The following SPSB1 variants were observed in gnomAD, a reference collection of about 807,000 sequenced individuals.
The protein encoded by SPSB1 is SPRY domain-containing SOCS box protein 1.
A neutral mutation model predicts 21.2 loss-of-function variants in SPSB1; 8 were observed. The observed-to-expected ratio is 0.38, with a 90% CI of 0.22 to 0.68. The LOEUF (loss-of-function observed/expected upper bound fraction) is 0.68. Among genes scored for constraint, SPSB1 ranks in the 30% least tolerant of loss-of-function variants. The pLI is 0.53. For synonymous variants in SPSB1, 169 were observed against 161.7 expected, an observed-to-expected ratio of 1.05 and a Z score of -0.34; for missense variants, 242 against 377.8, an observed-to-expected ratio of 0.64 and a Z score of 2.98.
chr1:9,334,658 AC>A (rs1324481487), intron 1 of SPSB1, among the ~76,000 whole-genome samples: 1 of 150,200 alleles, frequency 6.7e-6, no homozygotes, highest in East Asian at 2.0e-4. Flanking sequence ...TTCGTCACTG[AC>A]CCCCCATTCC....
rs920417268 is a variant in SPSB1, at chr1:9,324,029, G to A, written c.-150+30958G>A. Among the ~76,000 whole-genome samples the A allele has an allele frequency of 3.3e-5, 5 of 152,154 alleles. 1 individual carries two copies. Among genetic ancestry groups the A allele is most frequent in the Admixed American group, 6.5e-5 (1 of 15,268 alleles). On this transcript the variant is annotated intron_variant, in intron 1 of 2. Coordinates refer to ENST00000328089, the MANE Select transcript of SPSB1 (RefSeq NM_025106.4). The surrounding 1 kb of genome is among the most constrained non-coding windows in gnomAD (Gnocchi z 4.3). ...CAGCTGTCCTTGATGGCCCAAACTC[G>A]GGCCGCAGAACCCCTCCTCAGGCCA...
At chr1:9,338,255 G>A (rs1640036022) in intron 1 of SPSB1, among the ~76,000 whole-genome samples, 1 of 152,316 alleles carries the variant, frequency 6.6e-6, no homozygotes, top group South Asian at 2.1e-4. Flanking sequence ...GACAGCCAAG[G>A]CCCTGGCCGT....
At chr1:9,339,173 C>A in intron 1 of SPSB1, 1 of 978,536 alleles carries the variant, frequency 1.0e-6, no homozygotes, top group Non-Finnish European at 1.2e-6. Context: ...CCTCTTCTGT[C>A]ATTCTCCCCC....
At chr1:9,301,328 G>T (rs561564674) in intron 1 of SPSB1, among the ~76,000 whole-genome samples, 1 of 151,874 alleles carries the variant, frequency 6.6e-6, no homozygotes, top group Non-Finnish European at 1.5e-5. Flanking sequence ...CCCCGCCCCC[G>T]CCATCTCTAC....
chr1:9,363,430 G>GT lies in SPSB1; in HGVS notation c.695-4017dup, dbSNP rs1490247054. ...TCCAGAGATGGCCAGGCTGTGGCAA[G>GT]TCCTCTACCCCACACAGCTGCGTTC... On this transcript the variant is annotated intron_variant, in intron 2 of 2. Transcript: ENST00000328089. The surrounding 1 kb of genome is among the most constrained non-coding windows in gnomAD (Gnocchi z 4.5). 1.3e-5 allele frequency among the ~76,000 whole-genome samples: 2 copies of GT among 152,236 alleles called. No individual in the cohort carries two copies. The highest frequency in any genetic ancestry group is 3.9e-4 in the East Asian group (2 of 5,158).
chr1:9,341,044 G>C (rs1243451335), intron 1 of SPSB1, among the ~76,000 whole-genome samples: 3 of 152,150 alleles, frequency 2.0e-5, no homozygotes, highest in Non-Finnish European at 4.4e-5. Flanking sequence ...CCTGATTGCT[G>C]GCCTGGACTA....
rs142518224 is a variant in SPSB1, at chr1:9,305,230, G to A, written c.-150+12159G>A. Among the ~76,000 whole-genome samples, 278 of 152,196 alleles carry A rather than the reference G, an allele frequency of 1.8e-3. 1 individual carries two copies. The highest frequency in any genetic ancestry group is 6.0e-3 in the African/African-American group (250 of 41,522). Reference sequence around the variant, plus strand: ...CCGCCTCGGCTGGCCCGTTCCTACCGGCTGGCCCATACCCTCTCGCTTCAC... The same window carrying A: ...CCGCCTCGGCTGGCCCGTTCCTACCAGCTGGCCCATACCCTCTCGCTTCAC... On this transcript the variant is annotated intron_variant, in intron 1 of 2. Transcript: ENST00000328089. This position sits in a 1 kb window ranked among gnomAD's most constrained non-coding sequence, Gnocchi z 4.8.
At chr1:9,320,939 A>G (rs1343718315) in intron 1 of SPSB1, among the ~76,000 whole-genome samples, 1 of 147,980 alleles carries the variant, frequency 6.8e-6, no homozygotes. Flanking sequence ...GCCAGGCTCC[A>G]GTGGAAGGTC....
At chr1:9,351,118 C>A (rs1315376676) in intron 1 of SPSB1, among the ~76,000 whole-genome samples, 2 of 152,154 alleles carry the variant, frequency 1.3e-5, no homozygotes, top group African/African-American at 4.8e-5. Flanking sequence ...CAAATCTGGC[C>A]CACTGTCTAT....
In SPSB1 at chr1:9,342,337, C is replaced by T. The variant is rs76667926; in HGVS notation, c.-149-13406C>T. 9.2e-3 allele frequency among the ~76,000 whole-genome samples: 1,406 copies of T among 152,282 alleles called. 21 individuals carry two copies. The highest frequency in any genetic ancestry group is 0.032 in the African/African-American group (1,338 of 41,532). The stretch of plus-strand genomic sequence containing the variant: ...GAAGAGGTTTGCGTAGTGACAAGTC[C>T]AGAAACTGTGTGCATCAGCCTGGGG... On this transcript the variant is annotated intron_variant, in intron 1 of 2. Transcript: ENST00000328089.
intron 1 of SPSB1, among the ~76,000 whole-genome samples, chr1:9,307,572 T>C (rs1199066326): frequency 6.6e-6 from 1 of 152,226 alleles, no homozygotes; most frequent in Non-Finnish European, 1.5e-5. Context: ...GAAGCTGGAT[T>C]TCCCGTCCTG....
intron 2 of SPSB1, among the ~76,000 whole-genome samples, chr1:9,358,414 C>T (rs1410460068): frequency 6.6e-6 from 1 of 152,172 alleles, no homozygotes. Flanking sequence ...GTAGCCTCCC[C>T]GGGGAAGTCA....
chr1:9,292,948 G>T lies in SPSB1; in HGVS notation c.-273G>T. On this transcript the variant is annotated 5_prime_UTR_variant, in exon 1 of 3. The change creates a new upstream start codon in the 5' untranslated region. Coordinates refer to ENST00000328089, the MANE Select transcript of SPSB1 (RefSeq NM_025106.4). ...CGCTCGCAGCAGGAACCAGGCTCCAGGCGCCGGCGCCGGGGCCGGGGCCGC... is the reference window on the plus strand; with the variant it reads ...CGCTCGCAGCAGGAACCAGGCTCCATGCGCCGGCGCCGGGGCCGGGGCCGC... The T allele has an allele frequency of 2.5e-6, 2 of 807,852 alleles. No individual in the cohort carries two copies. Among genetic ancestry groups the T allele is most frequent in the Non-Finnish European group, 2.7e-6 (2 of 738,024 alleles). 50.0% of individuals were successfully genotyped at this position (807,852 alleles called of 1,614,324 possible). A position where few individuals can be genotyped will look rare whatever the true frequency, so the allele number is the denominator to read the frequency against.
intron 1 of SPSB1, among the ~76,000 whole-genome samples, chr1:9,343,357 T>A (rs1158046796): frequency 7.1e-6 from 1 of 141,560 alleles, no homozygotes; most frequent in Non-Finnish European, 1.6e-5. Context: ...AATCGTACAA[T>A]GTGTGACCTT....
intron 2 of SPSB1, among the ~76,000 whole-genome samples, chr1:9,361,924 G>A (rs757806206): frequency 3.3e-5 from 5 of 152,244 alleles, no homozygotes; most frequent in Non-Finnish European, 7.3e-5. Flanking sequence ...GGGTCCTCTG[G>A]CTCTACCCCC....
Position 9,346,734 on chromosome 1 carries a change from G to C in SPSB1, c.-149-9009G>C, listed in dbSNP as rs1640171525. ...CCTCTTCCCTGGCGTTGGTCTATCAGGGGTGGAACAGCCACCGGTGTTTCT... is the reference window on the plus strand; with the variant it reads ...CCTCTTCCCTGGCGTTGGTCTATCACGGGTGGAACAGCCACCGGTGTTTCT... On this transcript the variant is annotated intron_variant, in intron 1 of 2. Coordinates refer to ENST00000328089, the MANE Select transcript of SPSB1 (RefSeq NM_025106.4). This position sits in a 1 kb window ranked among gnomAD's most constrained non-coding sequence, Gnocchi z 4.4. Among the ~76,000 whole-genome samples, 1 of 152,148 alleles carries C rather than the reference G, an allele frequency of 6.6e-6. No homozygotes were observed. Among genetic ancestry groups the C allele is most frequent in the Non-Finnish European group, 1.5e-5 (1 of 68,040 alleles).
At chr1:9,312,883 C>T (rs1377026353) in intron 1 of SPSB1, among the ~76,000 whole-genome samples, 2 of 152,132 alleles carry the variant, frequency 1.3e-5, no homozygotes, top group Admixed American at 1.3e-4. Flanking sequence ...AGAGGCAGTG[C>T]GTGCCGATTG....
At chr1:9,334,379 C>T (rs1298727815) in intron 1 of SPSB1, among the ~76,000 whole-genome samples, 2 of 152,180 alleles carry the variant, frequency 1.3e-5, no homozygotes, top group Admixed American at 1.3e-4. Flanking sequence ...AGCCACCGTG[C>T]CTGGTCAATT....
At chr1:9,359,853 GGT>G (rs1640440475) in intron 2 of SPSB1, among the ~76,000 whole-genome samples, 5 of 150,380 alleles carry the variant, frequency 3.3e-5, no homozygotes, top group Non-Finnish European at 5.9e-5. Context: ...AAGCCGGGGG[GGT>G]GGGTGGCGGG....
Sources: allele counts gnomAD v4.1 joint callset (sites outside exome capture counted in the v4.1 genomes callset), GRCh38; gene constraint gnomAD v4.1.1; non-coding constraint Gnocchi (gnomAD v3.1); transcripts MANE v1.5; gene names NCBI Gene and HGNC (gene_info 2026-07-23, HGNC 2026-07-21).